The following STK4 variants were observed in gnomAD, a reference collection of about 807,000 sequenced individuals.
STK4 encodes serine/threonine kinase 4, also known as serine/threonine-protein kinase 4.
In STK4, 30 loss-of-function variants were observed where a neutral mutation model predicts 64.9. The ratio of observed to expected loss-of-function variants is 0.46; its 90% CI spans 0.35 to 0.63. STK4 has a LOEUF of 0.63. STK4 is among the 20% of genes least tolerant of loss of function. The pLI, the probability that STK4 is intolerant of heterozygous loss-of-function variation, is 0.01. For missense variants in STK4, 466 were observed against 598.5 expected, an observed-to-expected ratio of 0.78 and a Z score of 2.31; for synonymous variants, 177 against 199.0, an observed-to-expected ratio of 0.89 and a Z score of 0.93.
At chr20:44,966,809 A>G (rs1276028572) in intron 1 of STK4, among the ~76,000 whole-genome samples, 1 of 152,038 alleles carries the variant, frequency 6.6e-6, no homozygotes, top group Non-Finnish European at 1.5e-5. Flanking sequence ...GGGACCGGTT[A>G]GAGGGAGCAC....
At chr20:45,022,342 T>C (rs1411981596) in intron 9 of STK4, among the ~76,000 whole-genome samples, 2 of 152,228 alleles carry the variant, frequency 1.3e-5, no homozygotes, top group Non-Finnish European at 2.9e-5. Context: ...CTGGTATTGA[T>C]ATCAGAAGGT....
At chr20:45,038,111 A>G (rs1337925453) in intron 10 of STK4, among the ~76,000 whole-genome samples, 1 of 152,170 alleles carries the variant, frequency 6.6e-6, no homozygotes, top group Non-Finnish European at 1.5e-5. Context: ...GTTAGTGCAT[A>G]TTCTTAAATT....
chr20:45,055,880 A>G (rs146900951), intron 10 of STK4, among the ~76,000 whole-genome samples: 4,261 of 151,948 alleles, frequency 0.028, 186 homozygotes, highest in African/African-American at 0.092. Context: ...CTAGAGGTGC[A>G]CACCACCATG....
Position 45,000,526 on chromosome 20 carries a change from T to A in STK4, c.960+6T>A. 6.2e-7 allele frequency: 1 copy of A among 1,613,482 alleles called. No individual in the cohort carries two copies. Among genetic ancestry groups the A allele is most frequent in the Non-Finnish European group, 8.5e-7 (1 of 1,179,726 alleles). ...AGGACGATGAAGAAAACTCAGTGAGTGGCAGCCGTTGCTGTGGGCCTCAGA... is the reference window on the plus strand; with the variant it reads ...AGGACGATGAAGAAAACTCAGTGAGAGGCAGCCGTTGCTGTGGGCCTCAGA... On this transcript the variant is annotated splice_donor_region_variant and intron_variant, in intron 8 of 10. Coordinates refer to ENST00000372806, the MANE Select transcript of STK4 (RefSeq NM_006282.5).
rs1980647047 is a variant in STK4, at chr20:45,078,019, G to C, written c.*2843G>C. ...GGAACAAGTCCTAGTTGTTGTTGTT[G>C]TTGTTGAATACTAAATTTAAGATAT... On this transcript the variant is annotated 3_prime_UTR_variant, in exon 11 of 11. Transcript: ENST00000372806. 1 of 152,134 alleles carries C rather than the reference G, an allele frequency of 6.6e-6. No individual in the cohort carries two copies. The highest frequency in any genetic ancestry group is 1.5e-5 in the Non-Finnish European group (1 of 68,018). 9.4% of individuals were successfully genotyped at this position (152,134 alleles called of 1,614,324 possible). A position where few individuals can be genotyped will look rare whatever the true frequency, so the allele number is the denominator to read the frequency against.
intron 10 of STK4, among the ~76,000 whole-genome samples, chr20:45,046,300 T>C (rs1600531272): frequency 6.7e-6 from 1 of 149,716 alleles, no homozygotes; most frequent in Admixed American, 6.6e-5. Context: ...CTAAGTGTGG[T>C]GGTGCGTACC....
intron 9 of STK4, among the ~76,000 whole-genome samples, chr20:45,022,096 T>C (rs1190600675): frequency 2.0e-5 from 3 of 152,118 alleles, no homozygotes; most frequent in African/African-American, 2.4e-5. Context: ...AACATAAAAT[T>C]TGAGGAGAGG....
intron 10 of STK4, among the ~76,000 whole-genome samples, chr20:45,064,929 G>A (rs896568026): frequency 6.6e-6 from 1 of 152,082 alleles, no homozygotes; most frequent in African/African-American, 2.4e-5. Flanking sequence ...TTCCTGTTTG[G>A]ATGTCTTGTA....
chr20:45,048,372 T>C (rs1469509655), intron 10 of STK4, among the ~76,000 whole-genome samples: 1 of 152,036 alleles, frequency 6.6e-6, no homozygotes, highest in Non-Finnish European at 1.5e-5. Flanking sequence ...ACACTTAGGG[T>C]GGGAGACATG....
chr20:45,046,915 C>CAA (rs1184631203), intron 10 of STK4, among the ~76,000 whole-genome samples: 48 of 148,532 alleles, frequency 3.2e-4, no homozygotes, highest in South Asian at 6.4e-4. Flanking sequence ...CTCCTGACCT[C>CAA]GTGATCTGCC....
Position 45,026,806 on chromosome 20 carries a change from A to G in STK4, c.1305+1676A>G, listed in dbSNP as rs151179855. ...TGGCAAATTATGGGGCACATCTGCT[A>G]CTATTCTCCTCTTCTAGGCCTTTGG... On this transcript the variant is annotated intron_variant, in intron 10 of 10. Coordinates refer to ENST00000372806, the MANE Select transcript of STK4 (RefSeq NM_006282.5). Among the ~76,000 whole-genome samples, 388 of 152,306 alleles carry G rather than the reference A, an allele frequency of 2.5e-3. 2 individuals carry two copies. The highest frequency in any genetic ancestry group is 8.8e-3 in the African/African-American group (366 of 41,574).
At chr20:44,988,428 T>C (rs1427126549) in intron 5 of STK4, among the ~76,000 whole-genome samples, 1 of 150,608 alleles carries the variant, frequency 6.6e-6, no homozygotes, top group East Asian at 2.0e-4. Context: ...ACCTGGGAGA[T>C]TGCGCCATTG....
At chr20:45,011,719 ATATATATATATTTTTTT>A (rs1353150577) in intron 9 of STK4, among the ~76,000 whole-genome samples, 11 of 104,456 alleles carry the variant, frequency 1.1e-4, no homozygotes, top group Middle Eastern at 5.1e-3. Flanking sequence ...ATATATATAT[ATATATATATATTTTTTT>A]TTTTTTTTTT....
At chr20:44,972,497 G>A (rs1192323914) in intron 2 of STK4, 1 of 171,148 alleles carries the variant, frequency 5.8e-6, no homozygotes, top group East Asian at 1.6e-4. Context: ...CTGTTTCAAT[G>A]AAAATCAATG....
At chr20:45,000,005 C>T (rs1020798161) in intron 7 of STK4, among the ~76,000 whole-genome samples, 3 of 152,188 alleles carry the variant, frequency 2.0e-5, no homozygotes, top group South Asian at 2.1e-4. Context: ...AGTTCATGGT[C>T]GTACAGGACA....
chr20:45,052,352 C>G (rs1438381690), intron 10 of STK4, among the ~76,000 whole-genome samples: 1 of 152,106 alleles, frequency 6.6e-6, no homozygotes, highest in Non-Finnish European at 1.5e-5. Flanking sequence ...TTTTACACAG[C>G]TGAGATCATT....
chr20:45,062,884 G>T (rs1248848031), intron 10 of STK4, among the ~76,000 whole-genome samples: 2 of 144,526 alleles, frequency 1.4e-5, no homozygotes, highest in Admixed American at 1.4e-4. Context: ...TAGAGACAGG[G>T]TTTCACCATG....
intron 9 of STK4, among the ~76,000 whole-genome samples, chr20:45,011,727 ATATTT>A (rs1311073553): frequency 3.7e-5 from 4 of 107,392 alleles, no homozygotes; most frequent in East Asian, 2.2e-4. Flanking sequence ...ATATATATAT[ATATTT>A]TTTTTTTTTT....
chr20:44,977,083 G>T (rs1412943585), intron 2 of STK4, among the ~76,000 whole-genome samples: 1 of 152,204 alleles, frequency 6.6e-6, no homozygotes, highest in Non-Finnish European at 1.5e-5. Context: ...GACTACCATG[G>T]TATATCTCCT....
Sources: allele counts gnomAD v4.1 joint callset (sites outside exome capture counted in the v4.1 genomes callset), GRCh38; gene constraint gnomAD v4.1.1; transcripts MANE v1.5; gene names NCBI Gene and HGNC (gene_info 2026-07-23, HGNC 2026-07-21).